Variants in EMILIN2 observed in about 807,000 individuals in gnomAD.
EMILIN2 encodes the protein elastin microfibril interfacer 2.
Under a neutral mutation model 87.1 loss-of-function variants are expected in EMILIN2, and 71 were observed. The observed-to-expected ratio is 0.82, with a 90% confidence interval of 0.67 to 0.99. The LOEUF (loss-of-function observed/expected upper bound fraction) is 0.99, where lower values mean the gene tolerates loss of function less well. EMILIN2 is among the 50% of genes least tolerant of loss of function. The probability of loss-of-function intolerance (pLI) is 0.00; values close to 1 mark genes in which losing one functional copy is unlikely to be tolerated. For missense variants in EMILIN2, 1,407 were observed against 1,371.8 expected (o/e 1.03, Z -0.40); for synonymous variants, 581 against 563.4 (o/e 1.03, Z -0.44).
At chr18:2,905,987 G>A (rs559304428) in intron 4 of EMILIN2, among the ~76,000 whole-genome samples, 143 of 152,180 alleles carry the variant, frequency 9.4e-4, no homozygotes, top group Non-Finnish European at 1.8e-3. Flanking sequence ...ATTTTTGTCG[G>A]GTCCTAAACA....
At chr18:2,851,859 T>C (rs2076603385) in intron 2 of EMILIN2, among the ~76,000 whole-genome samples, 2 of 152,226 alleles carry the variant, frequency 1.3e-5, no homozygotes, top group South Asian at 4.1e-4. Flanking sequence ...GTTTATTTAG[T>C]TTCTGCAACA....
chr18:2,885,144 C>G lies in EMILIN2; in HGVS notation c.433+5C>G. ...ACAGCTTGAAGAAAGCCACAGGTAA[C>G]TTCTTATTTGTGCTATTATGTATGG... On this transcript the variant is annotated splice_donor_5th_base_variant and intron_variant, in intron 3 of 7. Coordinates refer to ENST00000254528, the MANE Select transcript of EMILIN2 (RefSeq NM_032048.3). 6.3e-7 allele frequency: 1 copy of G among 1,594,440 alleles called. No homozygotes were observed. The highest frequency in any genetic ancestry group is 8.5e-7 in the Non-Finnish European group (1 of 1,171,592).
At position 2,915,613 on chromosome 18, in the gene EMILIN2, C is replaced by A. The variant is rs1285049890; in HGVS notation, c.*2209C>A. The A allele has an allele frequency of 6.6e-6, 1 of 152,322 alleles. No individual in the cohort carries two copies. Among genetic ancestry groups the A allele is most frequent in the Admixed American group, 6.5e-5 (1 of 15,280 alleles). The allele number at this position is 152,322 out of a possible 1,614,324, so 9.4% of individuals were successfully genotyped here. A position where few individuals can be genotyped will look rare whatever the true frequency, so the allele number is the denominator to read the frequency against. ...TCTCAGCTCACTGCAACCTCCGCCT[C>A]CCGGGTTCAAGCAATTCTCCTACCT... On this transcript the variant is annotated 3_prime_UTR_variant, in exon 8 of 8. Transcript: ENST00000254528.
In EMILIN2 at chr18:2,913,050, T is replaced by C. The variant is rs1246936393; in HGVS notation, c.2825-17T>C. 2 of 1,605,052 alleles carry C rather than the reference T, an allele frequency of 1.2e-6. No individual in the cohort carries two copies. Among genetic ancestry groups the C allele is most frequent in the Non-Finnish European group, 1.7e-6 (2 of 1,179,780 alleles). ...GACGACAGCAGGTGAGCACAGGGTT[T>C]GCCTTTCTCCCCGCAGGGGTCTTCA... On this transcript the variant is annotated splice_polypyrimidine_tract_variant and intron_variant, in intron 7 of 7. Transcript: ENST00000254528.
chr18:2,864,530 A>C (rs980158931), intron 2 of EMILIN2, among the ~76,000 whole-genome samples: 6 of 152,186 alleles, frequency 3.9e-5, no homozygotes, highest in African/African-American at 1.4e-4. Context: ...CTTTTCTTTA[A>C]GAATGTTGAA....
intron 6 of EMILIN2, 79 bp downstream of exon 6, chr18:2,909,054 C>T: frequency 6.5e-7 from 1 of 1,535,050 alleles, no homozygotes; most frequent in South Asian, 1.1e-5. Context: ...CTCCTGCCTC[C>T]TCCCTCCAGG....
In EMILIN2 at chr18:2,880,157, T is replaced by C. The variant is rs530850330; in HGVS notation, c.258-4807T>C. 2.0e-5 allele frequency among the ~76,000 whole-genome samples: 3 copies of C among 152,314 alleles called. No homozygotes were observed. Among genetic ancestry groups the C allele is most frequent in the South Asian group, 2.1e-4 (1 of 4,826 alleles). On this transcript the variant is annotated intron_variant, in intron 2 of 7. Transcript: ENST00000254528. This position sits in a 1 kb window ranked among gnomAD's most constrained non-coding sequence, Gnocchi z 4.1. ...GGCGTGTTATGAAGGAGGTCTCAACTTGAGTCAGTAGAAGGAGTCTTTGTG... is the reference window on the plus strand; with the variant it reads ...GGCGTGTTATGAAGGAGGTCTCAACCTGAGTCAGTAGAAGGAGTCTTTGTG...
chr18:2,895,792 T>C (rs368203214), intron 4 of EMILIN2, among the ~76,000 whole-genome samples: 10 of 152,366 alleles, frequency 6.6e-5, no homozygotes, highest in African/African-American at 2.4e-4. Flanking sequence ...CACATTCTAT[T>C]GTCAAAGCAG....
chr18:2,904,395 C>T (rs1429840791), intron 4 of EMILIN2, among the ~76,000 whole-genome samples: 1 of 152,108 alleles, frequency 6.6e-6, no homozygotes, highest in East Asian at 1.9e-4. Context: ...CCCTACATAC[C>T]AGTTTTTCTG....
In EMILIN2 at chr18:2,894,716, A is replaced by T. The variant is rs959707252; in HGVS notation, c.2359+2230A>T. On this transcript the variant is annotated intron_variant, in intron 4 of 7. Coordinates refer to ENST00000254528, the MANE Select transcript of EMILIN2 (RefSeq NM_032048.3). This position sits in a 1 kb window ranked among gnomAD's most constrained non-coding sequence, Gnocchi z 5.0. ...ATTGTGGTGAGTGTAGACTGCATGG[A>T]GTTTTGAGAATTTCATTGATTGGAA... Among the ~76,000 whole-genome samples the T allele has an allele frequency of 5.3e-5, 8 of 151,988 alleles. No individual in the cohort carries two copies. Among genetic ancestry groups the T allele is most frequent in the African/African-American group, 1.9e-4 (8 of 41,352 alleles).
At chr18:2,884,443 A>C (rs577821415) in intron 2 of EMILIN2, among the ~76,000 whole-genome samples, 1 of 151,798 alleles carries the variant, frequency 6.6e-6, no homozygotes, top group East Asian at 1.9e-4. Flanking sequence ...ACTAGATTTC[A>C]CCATGTTAGC....
At chr18:2,909,965 T>C in intron 7 of EMILIN2, 146 bp downstream of exon 7, 1 of 1,101,358 alleles carries the variant, frequency 9.1e-7, no homozygotes. Context: ...GGGCCTGCAC[T>C]CCTCTGCCCG....
chr18:2,847,815 G>C lies in EMILIN2; in HGVS notation c.141G>C (p.Trp47Cys). ...PARPSARNKNWCAYIVNKNVS... is the reference protein window; with the variant it reads ...PARPSARNKNCCAYIVNKNVS... ...TCTCTCTCCTGCACCCCAGGAACTGGTGCGCCTACATCGTGAACAAGAATG... is the reference window on the plus strand; with the variant it reads ...TCTCTCTCCTGCACCCCAGGAACTGCTGCGCCTACATCGTGAACAAGAATG... The change falls in exon 2 of 8, where the codon TGG becomes TGC. Residue 47 changes from tryptophan to cysteine, a missense_variant. Coordinates refer to ENST00000254528, the MANE Select transcript of EMILIN2 (RefSeq NM_032048.3). This position sits in a 1 kb window ranked among gnomAD's most constrained non-coding sequence, Gnocchi z 4.5. 6.2e-7 allele frequency: 1 copy of C among 1,613,152 alleles called. No homozygotes were observed. Among genetic ancestry groups the C allele is most frequent in the Non-Finnish European group, 8.5e-7 (1 of 1,179,794 alleles).
At chr18:2,904,810 T>C (rs996773237) in intron 4 of EMILIN2, among the ~76,000 whole-genome samples, 1 of 152,168 alleles carries the variant, frequency 6.6e-6, no homozygotes, top group Non-Finnish European at 1.5e-5. Flanking sequence ...TCACATTTAA[T>C]GGGGAGACAC....
rs766311793 is a variant in EMILIN2 at position 2,891,702 on chromosome 18, A to C, written c.1575A>C (p.Pro525=). 1 of 1,614,050 alleles carries C rather than the reference A, an allele frequency of 6.2e-7. No homozygotes were observed. ...ELSPPGAAAL[P]GVSGSGDERV... is the part of the protein sequence containing the mutation. ...GTCCCCCAGGGGCAGCAGCCCTGCC[A>C]GGAGTGTCAGGGTCAGGAGATGAAC... Residue 525 remains proline, a synonymous_variant, in exon 4 of 8, where the codon CCA becomes CCC. Coordinates refer to ENST00000254528, the MANE Select transcript of EMILIN2 (RefSeq NM_032048.3). This position sits in a 1 kb window ranked among gnomAD's most constrained non-coding sequence, Gnocchi z 4.6.
At chr18:2,873,749 A>C (rs529512206) in intron 2 of EMILIN2, among the ~76,000 whole-genome samples, 22 of 152,208 alleles carry the variant, frequency 1.4e-4, no homozygotes, top group African/African-American at 5.1e-4. Flanking sequence ...AAATGGAAAA[A>C]ATCGTGAACA....
chr18:2,864,602 GCT>G (rs1359610428), intron 2 of EMILIN2, among the ~76,000 whole-genome samples: 5 of 152,178 alleles, frequency 3.3e-5, no homozygotes, highest in Admixed American at 3.3e-4. Flanking sequence ...AGTCTGATGG[GCT>G]TCCCTTTGTG....
At chr18:2,884,042 A>G (rs577536179) in intron 2 of EMILIN2, among the ~76,000 whole-genome samples, 190 of 147,126 alleles carry the variant, frequency 1.3e-3, no homozygotes, top group Admixed American at 2.2e-3. Context: ...TGCAAGCTCC[A>G]CCTCCCGGGT....
At chr18:2,905,906 G>A (rs913345299) in intron 4 of EMILIN2, among the ~76,000 whole-genome samples, 23 of 151,944 alleles carry the variant, frequency 1.5e-4, no homozygotes, top group Admixed American at 3.3e-4. Context: ...TTACGGGCGT[G>A]AGCCACCGCG....
Sources: allele counts gnomAD v4.1 joint callset (sites outside exome capture counted in the v4.1 genomes callset), GRCh38; gene constraint gnomAD v4.1.1; non-coding constraint Gnocchi (gnomAD v3.1); transcripts MANE v1.5; gene names NCBI Gene and HGNC (gene_info 2026-07-23, HGNC 2026-07-21).